The following KCND3 variants were observed in gnomAD, a reference collection of about 807,000 sequenced individuals.
KCND3 encodes potassium voltage-gated channel subfamily D member 3.
In KCND3, 9 loss-of-function variants were observed where a neutral mutation model predicts 51.1. That is an observed-to-expected ratio of 0.18 (90% CI 0.11 to 0.31). KCND3 has a LOEUF of 0.31. Ranked by LOEUF, KCND3 falls within the 10% of genes least tolerant of loss-of-function variation. The pLI is 1.00. For missense variants in KCND3, 526 were observed against 903.8 expected, an observed-to-expected ratio of 0.58 and a Z score of 5.36; for synonymous variants, 349 against 368.0, an observed-to-expected ratio of 0.95 and a Z score of 0.59.
intron 2 of KCND3, among the ~76,000 whole-genome samples, chr1:111,898,020 C>T (rs1280826051): frequency 6.6e-6 from 1 of 152,168 alleles, no homozygotes; most frequent in South Asian, 2.1e-4. Context: ...GCAATTCCTA[C>T]AAGAGCACCC....
chr1:111,918,324 C>T (rs146096976), intron 2 of KCND3, among the ~76,000 whole-genome samples: 9 of 152,156 alleles, frequency 5.9e-5, no homozygotes, highest in Admixed American at 1.3e-4. Context: ...GAGCAGAGCT[C>T]GGAAGAGACC....
intron 1 of KCND3, among the ~76,000 whole-genome samples, chr1:111,983,229 A>T (rs1400180747): frequency 1.3e-5 from 2 of 152,134 alleles, no homozygotes; most frequent in Non-Finnish European, 2.9e-5. Flanking sequence ...TTTTTATTTC[A>T]CTCTTTCACC....
rs963883708 is a variant in KCND3 at position 111,771,271 on chromosome 1, A to G, written c.*4806T>C. 2 of 152,210 alleles carry G rather than the reference A, an allele frequency of 1.3e-5. No homozygotes were observed. Among genetic ancestry groups the G allele is most frequent in the Non-Finnish European group, 2.9e-5 (2 of 68,022 alleles). The allele number at this position is 152,210 out of a possible 1,614,324, so 9.4% of individuals were successfully genotyped here. A position where few individuals can be genotyped will look rare whatever the true frequency, so the allele number is the denominator to read the frequency against. On this transcript the variant is annotated 3_prime_UTR_variant, in exon 8 of 8. Transcript: ENST00000302127. ...TAGCCACTTTCTCTTAGTTTTAATG[A>G]TGCTCTTCATGGTGCTGTTTGGGCT... is the stretch of plus-strand genomic sequence containing the variant.
chr1:111,892,019 TAAA>T (rs1571807475), intron 2 of KCND3, among the ~76,000 whole-genome samples: 2 of 151,506 alleles, frequency 1.3e-5, no homozygotes, highest in East Asian at 3.9e-4. Context: ...GAGCAAAAAA[TAAA>T]AAGCAATTCC....
rs554278193 is a variant in KCND3, at chr1:111,774,277, C to G, written c.*1800G>C. On this transcript the variant is annotated 3_prime_UTR_variant, in exon 8 of 8. Transcript: ENST00000302127. ...TGTGGTGGGGAGAGAAATTCTTGGC[C>G]TACAATTAAACAGCTAACCACTAAG... 4 of 152,270 alleles carry G rather than the reference C, an allele frequency of 2.6e-5. No individual in the cohort carries two copies. In the East Asian group the frequency reaches 7.7e-4, roughly 29 times the overall value. 9.4% of individuals were successfully genotyped at this position (152,270 alleles called of 1,614,324 possible).
chr1:111,807,636 A>G (rs1008321137), intron 2 of KCND3, among the ~76,000 whole-genome samples: 2 of 152,236 alleles, frequency 1.3e-5, no homozygotes, highest in Non-Finnish European at 2.9e-5. Flanking sequence ...AGACTGCGCC[A>G]TTACATTCCA....
intron 2 of KCND3, among the ~76,000 whole-genome samples, chr1:111,900,922 A>C (rs1049855206): frequency 6.6e-6 from 1 of 152,188 alleles, no homozygotes; most frequent in Non-Finnish European, 1.5e-5. Context: ...ACACCATTGC[A>C]CTCCAGCCTG....
intron 2 of KCND3, among the ~76,000 whole-genome samples, chr1:111,878,189 T>G (rs1231261556): frequency 6.6e-6 from 1 of 152,240 alleles, no homozygotes; most frequent in Non-Finnish European, 1.5e-5. Flanking sequence ...TCTGGCTTGA[T>G]GCCACTGCCA....
rs552859919 is a variant in KCND3 at position 111,931,528 on chromosome 1, T to C, written c.1106+50093A>G. Among the ~76,000 whole-genome samples the C allele has an allele frequency of 4.6e-5, 7 of 152,252 alleles. 1 individual carries two copies. In the South Asian group the frequency reaches 1.5e-3, roughly 32 times the overall value. ...CGCTGAAAGCAAAGATTCTAGAGCC[T>C]GGGTTCAAATCCTAGCATATCATTT... On this transcript the variant is annotated intron_variant, in intron 2 of 7. Coordinates refer to ENST00000302127, the MANE Select transcript of KCND3 (RefSeq NM_001378969.1).
At chr1:111,953,683 A>G (rs555962635) in intron 2 of KCND3, among the ~76,000 whole-genome samples, 1 of 152,346 alleles carries the variant, frequency 6.6e-6, no homozygotes, top group South Asian at 2.1e-4. Flanking sequence ...AAAGTTCTCC[A>G]AAGAACTCTG....
At chr1:111,843,769 T>C (rs1667431324) in intron 2 of KCND3, among the ~76,000 whole-genome samples, 1 of 152,356 alleles carries the variant, frequency 6.6e-6, no homozygotes, top group South Asian at 2.1e-4. Flanking sequence ...ACGGTGTTAC[T>C]GCTGCTCCTT....
chr1:111,809,314 CTTTT>C (rs869227221), intron 2 of KCND3, among the ~76,000 whole-genome samples: 1 of 60,862 alleles, frequency 1.6e-5, no homozygotes, highest in Non-Finnish European at 3.3e-5. Flanking sequence ...ATTTTTCTTT[CTTTT>C]TTTTTTTTGA....
At chr1:111,848,662 G>C (rs1389387383) in intron 2 of KCND3, among the ~76,000 whole-genome samples, 1 of 152,226 alleles carries the variant, frequency 6.6e-6, no homozygotes, top group Non-Finnish European at 1.5e-5. Flanking sequence ...CGTGGCCCCT[G>C]GGGCTGGCCC....
At chr1:111,784,168 T>A (rs1365805241) in intron 3 of KCND3, among the ~76,000 whole-genome samples, 2 of 150,542 alleles carry the variant, frequency 1.3e-5, no homozygotes, top group Non-Finnish European at 3.0e-5. Flanking sequence ...ACTGGAGATA[T>A]CTGAATAAGA....
chr1:111,811,027 C>A (rs1298380630), intron 2 of KCND3, among the ~76,000 whole-genome samples: 1 of 152,228 alleles, frequency 6.6e-6, no homozygotes, highest in Non-Finnish European at 1.5e-5. Flanking sequence ...ACACACCCGG[C>A]TGCTGTGGCA....
At chr1:111,920,843 T>C (rs1270399433) in intron 2 of KCND3, among the ~76,000 whole-genome samples, 1 of 152,248 alleles carries the variant, frequency 6.6e-6, no homozygotes, top group Non-Finnish European at 1.5e-5. Flanking sequence ...ACTCCTCTTC[T>C]GGGGATAGGC....
intron 3 of KCND3, among the ~76,000 whole-genome samples, chr1:111,782,716 A>T (rs746636699): frequency 1.3e-5 from 2 of 152,184 alleles, no homozygotes; most frequent in Admixed American, 6.5e-5. Context: ...GTCCGTCTTC[A>T]TTAGTTTCTA....
At chr1:111,832,120 C>T (rs1193891880) in intron 2 of KCND3, among the ~76,000 whole-genome samples, 2 of 152,194 alleles carry the variant, frequency 1.3e-5, no homozygotes, top group Non-Finnish European at 2.9e-5. Context: ...CAGGAAGTAT[C>T]TAGGAAATCA....
chr1:111,850,372 G>A (rs1000192191), intron 2 of KCND3, among the ~76,000 whole-genome samples: 1 of 152,106 alleles, frequency 6.6e-6, no homozygotes, highest in Non-Finnish European at 1.5e-5. Flanking sequence ...CAGCTCCTGA[G>A]CCTCTACCCC....
Sources: allele counts gnomAD v4.1 joint callset (sites outside exome capture counted in the v4.1 genomes callset), GRCh38; gene constraint gnomAD v4.1.1; transcripts MANE v1.5; gene names NCBI Gene and HGNC (gene_info 2026-07-23, HGNC 2026-07-21).